The following UACA variants were observed in gnomAD, a reference collection of about 807,000 sequenced individuals.
The protein encoded by UACA is nuclear membrane binding protein.
In UACA, 112 loss-of-function variants were observed where a neutral mutation model predicts 160.5. The observed-to-expected ratio is 0.70, with a 90% confidence interval of 0.60 to 0.82. The LOEUF (loss-of-function observed/expected upper bound fraction) is 0.82, where lower values mean the gene tolerates loss of function less well. Among genes scored for constraint, UACA ranks in the 40% least tolerant of loss-of-function variants. The pLI is 0.00. For synonymous variants in UACA, 557 were observed against 568.4 expected (o/e 0.98, Z 0.29); for missense variants, 1,574 against 1,614.6 (o/e 0.97, Z 0.43).
In UACA at chr15:70,691,357, T is replaced by C; in HGVS notation, c.308A>G (p.Asn103Ser). 1 of 1,606,142 alleles carries C rather than the reference T, an allele frequency of 6.2e-7. No homozygotes were observed. Among genetic ancestry groups the C allele is most frequent in the Non-Finnish European group, 8.5e-7 (1 of 1,175,418 alleles). Residue 103 changes from asparagine to serine, a missense_variant, in exon 4 of 19, where the codon AAT becomes AGT. Physicochemically the swap from Asn to Ser is conservative, Grantham distance 46. Coordinates refer to ENST00000322954, the MANE Select transcript of UACA (RefSeq NM_018003.4). ...ATACTTAGCAGCCAGGTGAAGAGCA[T>C]TTCTCCCTATAAATAATTTAAGATA... is the stretch of plus-strand genomic sequence containing the variant. ...DITTSDTAGR[N>S]ALHLAAKYGH...
intron 1 of UACA, among the ~76,000 whole-genome samples, chr15:70,725,419 G>A (rs1285085466): frequency 6.6e-6 from 1 of 152,140 alleles, no homozygotes; most frequent in African/African-American, 2.4e-5. Context: ...GACCTCCCAG[G>A]TTCCTTAGGA....
chr15:70,667,032 AT>A lies in UACA; in HGVS notation c.3651del (p.Lys1217AsnfsTer2). On this transcript the variant is annotated frameshift_variant, in exon 16 of 19. Coordinates refer to ENST00000322954, the MANE Select transcript of UACA (RefSeq NM_018003.4). LOFTEE classifies it high-confidence loss of function. ...EVQNTKQALK[K>X]LETREVVDLS... ...AAGTCAACTACCTCTCTAGTCTCTA[AT>A]TTTTTTAATGCTTGTTTAGTATTCT... 1 of 1,613,414 alleles carries A rather than the reference AT, an allele frequency of 6.2e-7. No individual in the cohort carries two copies.
chr15:70,764,250 G>T (rs764804728), upstream of UACA, among the ~76,000 whole-genome samples: 1 of 152,210 alleles, frequency 6.6e-6, no homozygotes, highest in East Asian at 1.9e-4. Context: ...AATTAAAAAT[G>T]ACTCCCACAG....
Position 70,657,054 on chromosome 15 carries a change from G to A in UACA, c.*2C>T, listed in dbSNP as rs755923541. 2.7e-5 allele frequency: 44 copies of A among 1,612,478 alleles called. 1 individual carries two copies. The Middle Eastern group carries it at 6.6e-4, about 24-fold the overall frequency. ...ACAGATACTGGCAGTCAGTGCTAAC[G>A]GCTAGCACACAAGCCCCTGCCGCAT... On this transcript the variant is annotated 3_prime_UTR_variant, in exon 19 of 19. Coordinates refer to ENST00000322954, the MANE Select transcript of UACA (RefSeq NM_018003.4).
intron 1 of UACA, among the ~76,000 whole-genome samples, chr15:70,755,271 A>G (rs2030349926): frequency 6.6e-6 from 1 of 152,184 alleles, no homozygotes; most frequent in South Asian, 2.1e-4. Flanking sequence ...TAAACTCACT[A>G]ATAGGATAAT....
intron 11 of UACA, 128 bp downstream of exon 11, chr15:70,677,971 T>C (rs1436711050): frequency 1.6e-6 from 1 of 616,740 alleles, no homozygotes; most frequent in East Asian, 2.8e-5. Context: ...GTAAAAATCC[T>C]GGTCCCCAGT....
intron 3 of UACA, among the ~76,000 whole-genome samples, chr15:70,693,045 C>T (rs911897388): frequency 2.0e-5 from 3 of 152,182 alleles, no homozygotes; most frequent in Admixed American, 1.3e-4. Flanking sequence ...TTTCAATTTG[C>T]TCCTGTTCAT....
chr15:70,737,062 G>GA (rs1397095191), intron 1 of UACA, among the ~76,000 whole-genome samples: 1 of 152,144 alleles, frequency 6.6e-6, no homozygotes, highest in Non-Finnish European at 1.5e-5. Context: ...CAAGGATATT[G>GA]AAAATGTTTA....
chr15:70,766,816 T>C (rs933910724), upstream of UACA, among the ~76,000 whole-genome samples: 1 of 152,194 alleles, frequency 6.6e-6, no homozygotes, highest in African/African-American at 2.4e-5. Flanking sequence ...TAATACCAGA[T>C]GGGCAGAGGA....
chr15:70,673,871 G>A (rs753031391), intron 13 of UACA, among the ~76,000 whole-genome samples: 3 of 151,896 alleles, frequency 2.0e-5, no homozygotes, highest in Non-Finnish European at 4.4e-5. Context: ...TGGTTGGTTG[G>A]TTGGTTTTGA....
intron 5 of UACA, among the ~76,000 whole-genome samples, chr15:70,689,220 T>TG (rs1897838131): frequency 6.6e-6 from 1 of 152,140 alleles, no homozygotes; most frequent in East Asian, 1.9e-4. Context: ...ATAGAAAGAA[T>TG]TCAGTTTTAA....
intron 1 of UACA, among the ~76,000 whole-genome samples, chr15:70,757,868 T>C (rs1397230532): frequency 6.6e-6 from 1 of 152,210 alleles, no homozygotes; most frequent in Non-Finnish European, 1.5e-5. Context: ...CACTCCAGCA[T>C]GACAAGGGCA....
chr15:70,763,254 G>A (rs1050795387), intron 1 of UACA, 76 bp downstream of exon 1: 5 of 1,276,650 alleles, frequency 3.9e-6, no homozygotes, highest in East Asian at 6.3e-5. Context: ...GGAAGGCGGC[G>A]CGCGAACTCG....
chr15:70,664,799 T>C lies in UACA; in HGVS notation c.3976A>G (p.Asn1326Asp), dbSNP rs763416581. 1 of 1,612,194 alleles carries C rather than the reference T, an allele frequency of 6.2e-7. No homozygotes were observed. The highest frequency in any genetic ancestry group is 1.3e-5 in the African/African-American group (1 of 74,782). The change falls in exon 17 of 19, where the codon AAT (asparagine) becomes GAT (aspartate). Residue 1326 changes from asparagine (N) to aspartate (D), a missense_variant. Physicochemically the swap from Asn to Asp is conservative, Grantham distance 23. Transcript: ENST00000322954. ...GCCTGTTTTAATCTTTCCACATCAT[T>C]AAGCAGTTCAGTTATCTTTAAAAAA... ...AKDNKITELL[N>D]DVERLKQALN...
intron 1 of UACA, among the ~76,000 whole-genome samples, chr15:70,753,299 C>A (rs2030205745): frequency 6.6e-6 from 1 of 152,144 alleles, no homozygotes; most frequent in African/African-American, 2.4e-5. Flanking sequence ...TTTTCTATCA[C>A]ATTTAAAAAT....
chr15:70,712,486 A>C (rs1898712807), intron 1 of UACA, among the ~76,000 whole-genome samples: 1 of 152,082 alleles, frequency 6.6e-6, no homozygotes, highest in South Asian at 2.1e-4. Context: ...AAACCTAATC[A>C]TACCACCACC....
intron 15 of UACA, among the ~76,000 whole-genome samples, chr15:70,670,153 G>A (rs1277430068): frequency 6.6e-6 from 1 of 152,164 alleles, no homozygotes; most frequent in Non-Finnish European, 1.5e-5. Flanking sequence ...GATCTCCGGA[G>A]CTGGGTGAGC....
At chr15:70,686,090 C>T (rs183376252) in intron 7 of UACA, among the ~76,000 whole-genome samples, 23 of 150,744 alleles carry the variant, frequency 1.5e-4, no homozygotes, top group Admixed American at 1.4e-3. Context: ...ATAGTATCCA[C>T]AAAAACAAAG....
intron 13 of UACA, among the ~76,000 whole-genome samples, chr15:70,674,868 G>T (rs111740337): frequency 0.016 from 2,400 of 152,258 alleles, 56 homozygotes; most frequent in African/African-American, 0.056. Flanking sequence ...AAAAGTGCGG[G>T]GATTACAGGC....
Sources: allele counts gnomAD v4.1 joint callset (sites outside exome capture counted in the v4.1 genomes callset), GRCh38; gene constraint gnomAD v4.1.1; transcripts MANE v1.5; gene names NCBI Gene and HGNC (gene_info 2026-07-23, HGNC 2026-07-21).